Variants in SARDH observed in about 807,000 individuals in gnomAD.
The protein encoded by SARDH is sarcosine dehydrogenase, also known as sarcosine dehydrogenase, mitochondrial.
SARDH carries 95 observed loss-of-function variants against 109.1 expected under a neutral mutation model. The ratio of observed to expected loss-of-function variants is 0.87; its 90% confidence interval spans 0.74 to 1.03. The LOEUF is 1.03. SARDH is among the 50% of genes least tolerant of loss of function. SARDH has a pLI of 0.00. For synonymous variants in SARDH, 572 were observed against 534.8 expected (o/e 1.07, Z -0.96); for missense variants, 1,267 against 1,287.8 (o/e 0.98, Z 0.25).
chr9:133,696,030 G>C (rs975327782), intron 14 of SARDH, among the ~76,000 whole-genome samples, 193 bp downstream of exon 14: 9 of 149,110 alleles, frequency 6.0e-5, no homozygotes, highest in African/African-American at 2.2e-4. Flanking sequence ...AGAGGTGGAG[G>C]AAAGTAATGA....
Position 133,677,765 on chromosome 9 carries a change from G to A in SARDH, c.2164-6068C>T, listed in dbSNP as rs557591935. Among the ~76,000 whole-genome samples the A allele has an allele frequency of 5.3e-5, 8 of 152,340 alleles. No individual in the cohort carries two copies. In the East Asian group the frequency reaches 1.4e-3, roughly 26 times the overall value. On this transcript the variant is annotated intron_variant, in intron 17 of 20. Coordinates refer to ENST00000439388, the MANE Select transcript of SARDH (RefSeq NM_001134707.2). ...TTGCCCGTCTTCCCAGTGGCCAGGCGCTGTTCCCAGCCAGTTGGCCTGGAC... is the reference window on the plus strand; with the variant it reads ...TTGCCCGTCTTCCCAGTGGCCAGGCACTGTTCCCAGCCAGTTGGCCTGGAC...
rs145322793 is a variant in SARDH at position 133,674,093 on chromosome 9, C to T, written c.2164-2396G>A. Reference sequence around the variant, plus strand: ...AAATCCAGGGGCCTCTCTAAGTTCACGGAATCACTAGTTGTTGAGGCGTCT... The same window carrying T: ...AAATCCAGGGGCCTCTCTAAGTTCATGGAATCACTAGTTGTTGAGGCGTCT... On this transcript the variant is annotated intron_variant, in intron 17 of 20. Transcript: ENST00000439388. Among the ~76,000 whole-genome samples the T allele has an allele frequency of 7.2e-5, 11 of 152,346 alleles. No homozygotes were observed. The East Asian group carries it at 7.7e-4, about 11-fold the overall frequency.
chr9:133,671,512 T>C (rs1358824015), intron 18 of SARDH, 23 bp downstream of exon 18: 5 of 1,367,380 alleles, frequency 3.7e-6, no homozygotes, highest in Admixed American at 1.9e-5. Context: ...CCCCGCCCCG[T>C]GCTGTCCAGA....
At chr9:133,726,557 G>A (rs1351230780) in intron 6 of SARDH, among the ~76,000 whole-genome samples, 1 of 151,972 alleles carries the variant, frequency 6.6e-6, no homozygotes, top group Non-Finnish European at 1.5e-5. Context: ...GGACTTACCT[G>A]CCCCTTGCAC....
chr9:133,733,648 C>T (rs990273090), intron 2 of SARDH, among the ~76,000 whole-genome samples, 195 bp downstream of exon 2: 2 of 152,248 alleles, frequency 1.3e-5, no homozygotes, highest in Non-Finnish European at 2.9e-5. Flanking sequence ...CCTCCTCCCA[C>T]CACAGCTCTT....
chr9:133,691,927 G>T (rs1831113288), intron 15 of SARDH, among the ~76,000 whole-genome samples: 1 of 152,242 alleles, frequency 6.6e-6, no homozygotes, highest in South Asian at 2.1e-4. Flanking sequence ...AACCTTCCCA[G>T]CAACCAGCAC....
At chr9:133,732,372 GCACC>G (rs1176788081) in intron 3 of SARDH, 47 bp downstream of exon 3, 1 of 619,952 alleles carries the variant, frequency 1.6e-6, no homozygotes, top group Non-Finnish European at 2.9e-6. Flanking sequence ...CCCAGGGAGT[GCACC>G]CACCCACCCA....
chr9:133,708,010 C>T (rs1281811460), intron 11 of SARDH, among the ~76,000 whole-genome samples: 1 of 152,160 alleles, frequency 6.6e-6, no homozygotes, highest in Non-Finnish European at 1.5e-5. Flanking sequence ...CAGCAGTTGG[C>T]AGGGGGCGGT....
At chr9:133,694,717 T>C (rs537500780) in intron 14 of SARDH, among the ~76,000 whole-genome samples, 8 of 152,334 alleles carry the variant, frequency 5.3e-5, no homozygotes, top group African/African-American at 1.9e-4. Context: ...CCCCCGTTCA[T>C]TCTGGGGCTC....
chr9:133,661,254 T>C (rs1403517877), downstream of SARDH, among the ~76,000 whole-genome samples: 2 of 151,458 alleles, frequency 1.3e-5, no homozygotes, highest in African/African-American at 2.4e-5. Flanking sequence ...GGTGGGAGAA[T>C]TGCTTGACCT....
chr9:133,679,394 G>C (rs183719474), intron 17 of SARDH, among the ~76,000 whole-genome samples: 1 of 152,382 alleles, frequency 6.6e-6, no homozygotes, highest in Admixed American at 6.5e-5. Flanking sequence ...ACAGCGCCGC[G>C]ACTAGGACTT....
chr9:133,685,456 T>C (rs916748281), intron 16 of SARDH, among the ~76,000 whole-genome samples, 170 bp from the exon 17 acceptor site: 2 of 152,130 alleles, frequency 1.3e-5, no homozygotes, highest in Admixed American at 6.5e-5. Context: ...GTTCCAAATA[T>C]ACATAAGACA....
chr9:133,701,713 C>T (rs1420566711), intron 13 of SARDH, among the ~76,000 whole-genome samples: 1 of 152,216 alleles, frequency 6.6e-6, no homozygotes, highest in African/African-American at 2.4e-5. Context: ...GCCGGCCCTG[C>T]TGCTGCGGCG....
At position 133,702,902 on chromosome 9, in the gene SARDH, C is replaced by T; in HGVS notation, c.1668+14G>A. 1 of 1,608,320 alleles carries T rather than the reference C, an allele frequency of 6.2e-7. No homozygotes were observed. Among genetic ancestry groups the T allele is most frequent in the Non-Finnish European group, 8.5e-7 (1 of 1,178,096 alleles). On this transcript the variant is annotated intron_variant, in intron 13 of 20. Coordinates refer to ENST00000439388, the MANE Select transcript of SARDH (RefSeq NM_001134707.2). ...CAGAAGGACGGACCCCCACGGTGGA[C>T]CCCAGCTACGCACCGTGTCGTGGTG...
At chr9:133,680,107 G>T (rs1316932019) in intron 17 of SARDH, among the ~76,000 whole-genome samples, 6 of 152,342 alleles carry the variant, frequency 3.9e-5, no homozygotes, top group Admixed American at 3.3e-4. Flanking sequence ...AGGAGAATAT[G>T]AAATTCTCCC....
intron 17 of SARDH, among the ~76,000 whole-genome samples, chr9:133,682,394 A>G (rs1056137055): frequency 2.0e-5 from 3 of 152,146 alleles, no homozygotes; most frequent in Admixed American, 2.0e-4. Context: ...CGGGCAACAC[A>G]CTCAACTGTC....
chr9:133,724,960 A>G lies in SARDH; in HGVS notation c.915+4805T>C, dbSNP rs183686723. On this transcript the variant is annotated intron_variant, in intron 6 of 20. Transcript: ENST00000439388. ...CATGCATATGGATGTTCACAGCAGC[A>G]CTATTCAAAATAACCAGAAATGAGA... is the stretch of plus-strand genomic sequence containing the variant. Among the ~76,000 whole-genome samples the G allele has an allele frequency of 2.0e-5, 3 of 152,328 alleles. No individual in the cohort carries two copies. The East Asian group carries it at 5.8e-4, about 29-fold the overall frequency.
intron 10 of SARDH, among the ~76,000 whole-genome samples, chr9:133,711,158 C>A (rs1324037664): frequency 6.6e-6 from 1 of 152,260 alleles, no homozygotes; most frequent in African/African-American, 2.4e-5. Context: ...AGCAAACATC[C>A]TGTCTGCTGA....
At position 133,718,258 on chromosome 9, in the gene SARDH, G is replaced by A. The variant is rs1298137545; in HGVS notation, c.1020+680C>T. 1 of 159,146 alleles carries A rather than the reference G, an allele frequency of 6.3e-6. No individual in the cohort carries two copies. Among genetic ancestry groups the A allele is most frequent in the African/African-American group, 2.4e-5 (1 of 41,552 alleles). 9.9% of individuals were successfully genotyped at this position (159,146 alleles called of 1,614,324 possible). A position where few individuals can be genotyped will look rare whatever the true frequency, so the allele number is the denominator to read the frequency against. ...GGCTAATTTTTGTATTTTTAGTAGAGTTGGGATTTCACCATGTTGGCCAGG... is the reference window on the plus strand; with the variant it reads ...GGCTAATTTTTGTATTTTTAGTAGAATTGGGATTTCACCATGTTGGCCAGG... On this transcript the variant is annotated intron_variant, in intron 7 of 20. Transcript: ENST00000439388. The surrounding 1 kb of genome is among the most constrained non-coding windows in gnomAD (Gnocchi z 4.2).
Sources: gnomAD v4.1 joint callset for allele counts (sites outside exome capture counted in the v4.1 genomes callset) on GRCh38, gnomAD v4.1.1 for gene constraint, Gnocchi (gnomAD v3.1) non-coding constraint, MANE v1.5 for transcripts, NCBI Gene and HGNC (gene_info 2026-07-23, HGNC 2026-07-21) for gene names.